The following UNC80 variants were observed in gnomAD, a reference collection of about 807,000 sequenced individuals.
The protein encoded by UNC80 is unc-80 subunit of NALCN channel complex.
UNC80 carries 164 observed loss-of-function variants against 384.6 expected under a neutral mutation model. That is an observed-to-expected ratio of 0.43 (90% CI 0.38 to 0.49). UNC80 has a LOEUF of 0.49. Ranked by LOEUF, UNC80 falls within the 20% of genes least tolerant of loss-of-function variation. The pLI, the probability that UNC80 is intolerant of heterozygous loss-of-function variation, is 0.00. For synonymous variants in UNC80, 1,486 were observed against 1,527.8 expected (o/e 0.97, Z 0.64); for missense variants, 3,330 against 4,143.0 (o/e 0.80, Z 5.39).
rs146674461 is a variant in UNC80, at chr2:209,985,507, G to T, written c.9314+595G>T. On this transcript the variant is annotated intron_variant, in intron 61 of 64. Coordinates refer to ENST00000673920, the MANE Select transcript of UNC80 (RefSeq NM_001371986.1). ...AGAATGTCTGTTCTAGCACAAAGGT[G>T]ACTCCAAAACTTGCATGAAATATCA... Among the ~76,000 whole-genome samples, 605 of 152,336 alleles carry T rather than the reference G, an allele frequency of 4.0e-3. 7 individuals are homozygous for T. Among genetic ancestry groups the T allele is most frequent in the South Asian group, 9.9e-3 (48 of 4,830 alleles).
intron 26 of UNC80, among the ~76,000 whole-genome samples, chr2:209,890,657 A>G (rs1464874329): frequency 1.3e-5 from 2 of 152,198 alleles, no homozygotes; most frequent in Non-Finnish European, 2.9e-5. Context: ...TGTCCAAGTT[A>G]TTTACCTTCT....
At position 209,995,713 on chromosome 2, in the gene UNC80, G is replaced by A; in HGVS notation, c.*118G>A. On this transcript the variant is annotated 3_prime_UTR_variant, in exon 65 of 65. Transcript: ENST00000673920. ...ACAAAATAGCACTTTACTTCTAATGGGTGGCACAAATCTGAATAGGTTTTG... is the reference window on the plus strand; with the variant it reads ...ACAAAATAGCACTTTACTTCTAATGAGTGGCACAAATCTGAATAGGTTTTG... 8.1e-7 allele frequency: 1 copy of A among 1,231,802 alleles called. No individual in the cohort carries two copies. The highest frequency in any genetic ancestry group is 1.1e-6 in the Non-Finnish European group (1 of 899,496). The allele number at this position is 1,231,802 out of a possible 1,614,324, so 76.3% of individuals were successfully genotyped here. A position where few individuals can be genotyped will look rare whatever the true frequency, so the allele number is the denominator to read the frequency against.
At chr2:209,887,188 CA>C (rs1275814208) in intron 25 of UNC80, among the ~76,000 whole-genome samples, 1 of 152,092 alleles carries the variant, frequency 6.6e-6, no homozygotes, top group Non-Finnish European at 1.5e-5. Flanking sequence ...AGGCATGCGC[CA>C]CCTCGCCCGG....
chr2:209,807,578 T>C (rs2078986410), intron 7 of UNC80, among the ~76,000 whole-genome samples: 1 of 152,082 alleles, frequency 6.6e-6, no homozygotes, highest in South Asian at 2.1e-4. Context: ...TTAGCCAGGA[T>C]GGTCTCGATC....
At chr2:209,955,710 T>C (rs1575134815) in intron 48 of UNC80, among the ~76,000 whole-genome samples, 1 of 78,910 alleles carries the variant, frequency 1.3e-5, no homozygotes, top group African/African-American at 5.8e-5. Context: ...TATATATATA[T>C]ATATATATAT....
rs768146438 is a variant in UNC80 at position 209,820,375 on chromosome 2, C to T, written c.2027C>T (p.Ala676Val). 23 of 1,551,774 alleles carry T rather than the reference C, an allele frequency of 1.5e-5. No individual in the cohort carries two copies. The highest frequency in any genetic ancestry group is 2.7e-5 in the African/African-American group (2 of 73,004). Residue 676 changes from alanine (A) to valine (V), a missense_variant, in exon 13 of 65, where the codon GCG becomes GTG. Around this residue, in one of 8 missense-constraint regions of UNC80, gnomAD observed 937 missense variants for 1,026.8 expected, o/e 0.91. Coordinates refer to ENST00000673920, the MANE Select transcript of UNC80 (RefSeq NM_001371986.1). ...ATCAGCTCTCGTATCTGTGACGTGG[C>T]GCTAAACATTGTGGAATGCTTGCTT... ...HDISSRICDVALNIVECLLQL... is the reference protein window; with the variant it reads ...HDISSRICDVVLNIVECLLQL...
chr2:209,874,746 AC>A (rs1296686899), intron 23 of UNC80, among the ~76,000 whole-genome samples: 1 of 152,226 alleles, frequency 6.6e-6, no homozygotes, highest in East Asian at 1.9e-4. Flanking sequence ...ACCTGTAAGT[AC>A]AGACTTCCCT....
chr2:209,873,406 C>T (rs140526597), intron 23 of UNC80, among the ~76,000 whole-genome samples: 1 of 152,050 alleles, frequency 6.6e-6, no homozygotes, highest in Non-Finnish European at 1.5e-5. Context: ...ATGATTTTTT[C>T]TAATTTCTTA....
At chr2:209,956,571 T>A (rs73984312) in intron 48 of UNC80, among the ~76,000 whole-genome samples, 10,493 of 150,364 alleles carry the variant, frequency 0.07, 638 homozygotes, top group African/African-American at 0.17. Context: ...CTTTTTTTTT[T>A]AAATTTTTTA....
intron 37 of UNC80, among the ~76,000 whole-genome samples, chr2:209,930,446 C>T (rs1285748213): frequency 6.6e-6 from 1 of 152,130 alleles, no homozygotes; most frequent in Admixed American, 6.5e-5. Flanking sequence ...ATGCTATAGT[C>T]ATATTCACTG....
intron 15 of UNC80, among the ~76,000 whole-genome samples, chr2:209,829,802 C>G (rs1574631816): frequency 6.6e-6 from 1 of 152,242 alleles, no homozygotes; most frequent in East Asian, 1.9e-4. Flanking sequence ...AATTTTTTCA[C>G]AAAGTAAAAT....
At chr2:209,891,598 AT>A (rs1395794379) in intron 26 of UNC80, among the ~76,000 whole-genome samples, 1 of 152,172 alleles carries the variant, frequency 6.6e-6, no homozygotes, top group East Asian at 1.9e-4. Context: ...TGATGTGATT[AT>A]TATTTATGTA....
chr2:209,966,143 A>G (rs1391273755), intron 51 of UNC80, among the ~76,000 whole-genome samples: 1 of 152,074 alleles, frequency 6.6e-6, no homozygotes, highest in Non-Finnish European at 1.5e-5. Context: ...TTCCTGCCTA[A>G]CTCAACATGT....
intron 47 of UNC80, among the ~76,000 whole-genome samples, chr2:209,949,238 A>T (rs1413102433): frequency 6.6e-6 from 1 of 152,208 alleles, no homozygotes. Flanking sequence ...AGGTAGCTCT[A>T]TGTCATTCAA....
At chr2:209,829,858 T>C (rs1196652491) in intron 15 of UNC80, among the ~76,000 whole-genome samples, 1 of 152,184 alleles carries the variant, frequency 6.6e-6, no homozygotes, top group East Asian at 1.9e-4. Flanking sequence ...AGTAACACAA[T>C]TTTGACACAC....
At chr2:209,922,535 TA>T (rs918085036) in intron 35 of UNC80, among the ~76,000 whole-genome samples, 152 bp downstream of exon 35, 30 of 151,936 alleles carry the variant, frequency 2.0e-4, no homozygotes, top group South Asian at 1.7e-3. Context: ...TGGCATCCTT[TA>T]AAAAAAAATT....
chr2:209,874,549 T>C (rs1559241984), intron 23 of UNC80, among the ~76,000 whole-genome samples: 1 of 152,240 alleles, frequency 6.6e-6, no homozygotes, highest in Non-Finnish European at 1.5e-5. Context: ...CTCTGTCTTT[T>C]GTCCTTTGTC....
chr2:209,890,079 T>C lies in UNC80; in HGVS notation c.4276+1819T>C, dbSNP rs1043153888. ...CTATTATTATTATTATATATCATTC[T>C]TGTGCAATCCTATATGTATATATAT... On this transcript the variant is annotated intron_variant, in intron 26 of 64. Coordinates refer to ENST00000673920, the MANE Select transcript of UNC80 (RefSeq NM_001371986.1). Among the ~76,000 whole-genome samples the C allele has an allele frequency of 9.8e-5, 15 of 152,288 alleles. No individual in the cohort carries two copies. In the East Asian group the frequency reaches 2.9e-3, roughly 29 times the overall value.
chr2:209,885,944 T>C (rs1403156879), intron 25 of UNC80, among the ~76,000 whole-genome samples: 1 of 151,932 alleles, frequency 6.6e-6, no homozygotes, highest in Non-Finnish European at 1.5e-5. Flanking sequence ...TTTGTATTTT[T>C]AGTAGGGACG....
Sources: allele counts gnomAD v4.1 joint callset (sites outside exome capture counted in the v4.1 genomes callset), GRCh38; gene constraint gnomAD v4.1.1; regional missense constraint gnomAD v4.1.1; transcripts MANE v1.5; gene names NCBI Gene and HGNC (gene_info 2026-07-23, HGNC 2026-07-21).